Variants in GPM6A observed in about 807,000 individuals in gnomAD.
GPM6A encodes glycoprotein M6A.
A neutral mutation model predicts 32.1 loss-of-function variants in GPM6A; 7 were observed. The observed-to-expected ratio is 0.22, with a 90% CI of 0.12 to 0.41. GPM6A has a LOEUF of 0.41. GPM6A is among the 10% of genes least tolerant of loss of function. GPM6A has a pLI of 1.00. For missense variants in GPM6A, 235 were observed against 347.2 expected (o/e 0.68, Z 2.57); for synonymous variants, 130 against 123.4 (o/e 1.05, Z -0.35).
At chr4:175,772,895 C>T (rs1433255843) in intron 1 of GPM6A, among the ~76,000 whole-genome samples, 1 of 152,160 alleles carries the variant, frequency 6.6e-6, no homozygotes, top group Non-Finnish European at 1.5e-5. Flanking sequence ...TATAAAGTAA[C>T]ATGCTTAAAA....
chr4:175,659,989 T>C (rs1398484983), intron 3 of GPM6A, among the ~76,000 whole-genome samples: 1 of 152,238 alleles, frequency 6.6e-6, no homozygotes, highest in African/African-American at 2.4e-5. Context: ...TAATACAGTA[T>C]TGACGTTAAA....
chr4:175,689,915 G>T (rs781565953), intron 2 of GPM6A, among the ~76,000 whole-genome samples: 9 of 152,188 alleles, frequency 5.9e-5, no homozygotes, highest in Non-Finnish European at 1.2e-4. Flanking sequence ...AGAGCACTGG[G>T]TGTGTGTTCT....
At chr4:175,844,846 G>T (rs898422431) in intron 1 of GPM6A, among the ~76,000 whole-genome samples, 1 of 152,068 alleles carries the variant, frequency 6.6e-6, no homozygotes, top group Non-Finnish European at 1.5e-5. Flanking sequence ...TCCAGGTATT[G>T]AATTTATTTT....
rs192308347 is a variant in GPM6A at position 175,800,965 on chromosome 4, T to C, written c.37+11226A>G. 3.1e-5 allele frequency: 6 copies of C among 195,840 alleles called. No individual in the cohort carries two copies. In the East Asian group the frequency reaches 1.1e-3, roughly 38 times the overall value. 12.1% of individuals were successfully genotyped at this position (195,840 alleles called of 1,614,324 possible). A position where few individuals can be genotyped will look rare whatever the true frequency, so the allele number is the denominator to read the frequency against. On this transcript the variant is annotated intron_variant, in intron 1 of 6. Transcript: ENST00000393658. The stretch of plus-strand genomic sequence containing the variant: ...CCACTTTCAAGATTAAAGGACATTC[T>C]GTCTACATTAAGACAAGCAGGGTAA...
chr4:175,712,891 T>C (rs1745634226), intron 1 of GPM6A, among the ~76,000 whole-genome samples: 1 of 152,234 alleles, frequency 6.6e-6, no homozygotes. Flanking sequence ...TGGCACCTTT[T>C]AGAAAAATTC....
At chr4:175,899,304 C>G (rs1445193271) in intron 1 of GPM6A, among the ~76,000 whole-genome samples, 2 of 151,972 alleles carry the variant, frequency 1.3e-5, no homozygotes, top group African/African-American at 4.8e-5. Flanking sequence ...TAGTACAAAA[C>G]AATTTTTTAA....
chr4:175,819,011 A>G (rs1412933963), intron 1 of GPM6A, among the ~76,000 whole-genome samples: 1 of 152,224 alleles, frequency 6.6e-6, no homozygotes, highest in Non-Finnish European at 1.5e-5. Context: ...ATGCATTCCT[A>G]TAACCATAAA....
intron 1 of GPM6A, among the ~76,000 whole-genome samples, chr4:175,858,358 C>T (rs187959308): frequency 6.6e-6 from 1 of 151,962 alleles, no homozygotes; most frequent in African/African-American, 2.4e-5. Flanking sequence ...ACAAAGAAAC[C>T]CCGTCTCTAC....
chr4:175,925,973 T>A (rs1055214156), intron 1 of GPM6A, among the ~76,000 whole-genome samples: 1 of 151,416 alleles, frequency 6.6e-6, no homozygotes, highest in African/African-American at 2.4e-5. Flanking sequence ...TGCCCCAGCC[T>A]CCCAAGCAGC....
At chr4:175,911,209 T>C (rs1337406865) in intron 1 of GPM6A, among the ~76,000 whole-genome samples, 1 of 152,142 alleles carries the variant, frequency 6.6e-6, no homozygotes, top group Non-Finnish European at 1.5e-5. Flanking sequence ...AGGATCCTTC[T>C]CTTTTGACTT....
intron 1 of GPM6A, among the ~76,000 whole-genome samples, chr4:175,944,549 G>T (rs1739526252): frequency 6.6e-6 from 1 of 152,098 alleles, no homozygotes; most frequent in Admixed American, 6.6e-5. Context: ...ACACGTACAA[G>T]ACAGAACAGA....
At chr4:175,637,865 T>TTATATATAATATTTATATATTATATA in intron 6 of GPM6A, among the ~76,000 whole-genome samples, 2 of 121,470 alleles carry the variant, frequency 1.6e-5, no homozygotes, top group African/African-American at 6.8e-5. Context: ...TATAATCTAT[T>TTATATATAATATTTATATATTATATA]TATATATAAT....
At chr4:175,890,650 T>A (rs186102837) in intron 1 of GPM6A, among the ~76,000 whole-genome samples, 1 of 152,178 alleles carries the variant, frequency 6.6e-6, no homozygotes, top group African/African-American at 2.4e-5. Context: ...CACCGCAGCC[T>A]CTAACTGCTG....
At chr4:175,805,050 C>A (rs570318866) in intron 1 of GPM6A, among the ~76,000 whole-genome samples, 37 of 151,304 alleles carry the variant, frequency 2.4e-4, no homozygotes, top group Admixed American at 5.9e-4. Context: ...CTCAAAAAAA[C>A]AAAAACAAAA....
chr4:175,890,902 G>A (rs1737627676), intron 1 of GPM6A, among the ~76,000 whole-genome samples: 1 of 152,028 alleles, frequency 6.6e-6, no homozygotes, highest in Non-Finnish European at 1.5e-5. Context: ...CACGCATGCA[G>A]TATGATAACA....
chr4:175,661,255 G>A (rs1378336578), intron 3 of GPM6A, among the ~76,000 whole-genome samples: 1 of 151,922 alleles, frequency 6.6e-6, no homozygotes, highest in Non-Finnish European at 1.5e-5. Context: ...ATGAAATGGC[G>A]AAACCCCGTC....
intron 3 of GPM6A, chr4:175,654,280 A>G (rs562580621): frequency 6.6e-6 from 1 of 152,306 alleles, no homozygotes; most frequent in East Asian, 1.9e-4. Flanking sequence ...CTTCAGGCAT[A>G]CTGATGAAAG....
chr4:175,670,525 G>C (rs1486339550), intron 3 of GPM6A, among the ~76,000 whole-genome samples: 2 of 152,134 alleles, frequency 1.3e-5, no homozygotes, highest in African/African-American at 4.8e-5. Context: ...GTTCAATGTA[G>C]TCAATAACAT....
chr4:175,772,752 C>T (rs1220903640), intron 1 of GPM6A, among the ~76,000 whole-genome samples: 2 of 152,106 alleles, frequency 1.3e-5, no homozygotes, highest in East Asian at 1.9e-4. Flanking sequence ...CATGGGCTTC[C>T]ATACTTTTTC....
Sources: gnomAD v4.1 joint callset for allele counts (sites outside exome capture counted in the v4.1 genomes callset) on GRCh38, gnomAD v4.1.1 for gene constraint, MANE v1.5 for transcripts, NCBI Gene and HGNC (gene_info 2026-07-23, HGNC 2026-07-21) for gene names.